The following BLTP1 variants were observed in gnomAD, a reference collection of about 807,000 sequenced individuals.
BLTP1 encodes bridge-like lipid transfer protein family member 1, also known as fragile site-associated protein.
the BLTP1 span, chr4:122,219,247 A>G: frequency 2.6e-6 from 4 of 1,517,322 alleles, no homozygotes; most frequent in Non-Finnish European, 3.5e-6. Flanking sequence ...TAATAGGTTA[A>G]GGAAATGCAT....
the BLTP1 span, among the ~76,000 whole-genome samples, chr4:122,297,658 A>C: frequency 2.6e-5 from 4 of 152,224 alleles, no homozygotes; most frequent in African/African-American, 9.6e-5. Context: ...GAATCAACCT[A>C]AATGCCCATC....
chr4:122,280,263 A>G, the BLTP1 span: 1 of 858,874 alleles, frequency 1.2e-6, no homozygotes, highest in African/African-American at 1.8e-5. Flanking sequence ...GTACTAATAA[A>G]AAGCAAATTG....
the BLTP1 span, chr4:122,308,005 A>G: frequency 1.2e-6 from 2 of 1,613,440 alleles, no homozygotes; most frequent in African/African-American, 1.3e-5. Context: ...TGAACAACGA[A>G]TGGCTTTACA....
At chr4:122,298,552 C>T in the BLTP1 span, 1 of 435,368 alleles carries the variant, frequency 2.3e-6, no homozygotes. Flanking sequence ...TAATCCATTC[C>T]ATAGTTACTT....
the BLTP1 span, chr4:122,250,475 G>A: frequency 6.2e-7 from 1 of 1,613,654 alleles, no homozygotes; most frequent in Non-Finnish European, 8.5e-7. Context: ...TTCTCCAACC[G>A]GCAGTGGCTA....
the BLTP1 span, chr4:122,247,206 A>G: frequency 0.012 from 19,326 of 1,613,304 alleles, 348 homozygotes; most frequent in African/African-American, 0.08. Flanking sequence ...GTAGAACATC[A>G]AATTTTGATA....
At chr4:122,343,905 C>T in the BLTP1 span, 1 of 885,946 alleles carries the variant, frequency 1.1e-6, no homozygotes, top group Non-Finnish European at 1.4e-6. Flanking sequence ...AATGTCTTAG[C>T]AAATCACTGT....
At chr4:122,342,295 A>G in the BLTP1 span, among the ~76,000 whole-genome samples, 1 of 152,116 alleles carries the variant, frequency 6.6e-6, no homozygotes, top group Admixed American at 6.6e-5. Context: ...CAGGAGTAGG[A>G]AGGATGACGG....
the BLTP1 span, chr4:122,187,547 G>A: frequency 6.3e-7 from 1 of 1,575,812 alleles, no homozygotes; most frequent in Non-Finnish European, 8.6e-7. Flanking sequence ...TGTTTCATGG[G>A]GTAGTAATGT....
chr4:122,344,860 GTTC>G, the BLTP1 span: 1 of 984,574 alleles, frequency 1.0e-6, no homozygotes, highest in African/African-American at 1.7e-5. Context: ...GTTTCTTTTT[GTTC>G]TTCTAATTGT....
the BLTP1 span, chr4:122,271,459 T>C: frequency 6.2e-7 from 1 of 1,613,510 alleles, no homozygotes; most frequent in Non-Finnish European, 8.5e-7. Context: ...GGACCAACAA[T>C]GAGAATAACA....
chr4:122,245,717 AAGTG>A, the BLTP1 span, among the ~76,000 whole-genome samples: 1 of 152,152 alleles, frequency 6.6e-6, no homozygotes, highest in Non-Finnish European at 1.5e-5. Flanking sequence ...AGAGAGATGA[AAGTG>A]AGACTGATTA....
the BLTP1 span, chr4:122,328,614 A>C: frequency 1.0e-6 from 1 of 975,304 alleles, no homozygotes; most frequent in Non-Finnish European, 1.2e-6. Flanking sequence ...CTAAAATAAA[A>C]TGGAAATAAA....
At chr4:122,267,294 C>CAG in the BLTP1 span, among the ~76,000 whole-genome samples, 1 of 151,474 alleles carries the variant, frequency 6.6e-6, no homozygotes, top group East Asian at 1.9e-4. Context: ...CTCCTGACCT[C>CAG]GTGATCCACC....
the BLTP1 span, among the ~76,000 whole-genome samples, chr4:122,321,893 C>T: frequency 5.4e-5 from 8 of 146,904 alleles, no homozygotes; most frequent in Non-Finnish European, 8.9e-5. Flanking sequence ...TGCCTTCTAC[C>T]TGGCATAGTT....
At chr4:122,178,319 A>G in the BLTP1 span, 1 of 214,482 alleles carries the variant, frequency 4.7e-6, no homozygotes, top group African/African-American at 2.3e-5. Context: ...CTGCATACAA[A>G]TGTCCTGATT....
the BLTP1 span, chr4:122,227,661 A>T: frequency 4.7e-4 from 87 of 184,458 alleles, no homozygotes; most frequent in Non-Finnish European, 8.4e-4. Flanking sequence ...GTGAATTGAA[A>T]TTAGTTCATC....
At chr4:122,343,596 G>A in the BLTP1 span, 1 of 1,613,942 alleles carries the variant, frequency 6.2e-7, no homozygotes, top group South Asian at 1.1e-5. Context: ...CTCACACCTG[G>A]ATCAGGAGGA....
chr4:122,217,658 G>T, the BLTP1 span, among the ~76,000 whole-genome samples: 1 of 152,076 alleles, frequency 6.6e-6, no homozygotes. Flanking sequence ...GTTCATCAGG[G>T]ATATTGATCT....
Sources: gnomAD v4.1 joint callset for allele counts (sites outside exome capture counted in the v4.1 genomes callset) on GRCh38, gnomAD v4.1.1 for gene constraint, MANE v1.5 for transcripts, NCBI Gene and HGNC (gene_info 2026-07-23, HGNC 2026-07-21) for gene names.